KCNMA1: variants seen among roughly 807,000 people sequenced by gnomAD.
The protein encoded by KCNMA1 is Calcium-activated potassium channel subunit alpha-1.
A neutral mutation model predicts 140.0 loss-of-function variants in KCNMA1; 29 were observed. The ratio of observed to expected loss-of-function variants is 0.21; its 90% confidence interval spans 0.15 to 0.28. KCNMA1 has a LOEUF of 0.28. KCNMA1 is among the 10% of genes least tolerant of loss of function. The pLI is 1.00. For synonymous variants in KCNMA1, 612 were observed against 611.9 expected, an observed-to-expected ratio of 1.00 and a Z score of 0.00; for missense variants, 880 against 1,602.2, an observed-to-expected ratio of 0.55 and a Z score of 7.70.
chr10:77,627,293 C>A (rs2092651497), intron 1 of KCNMA1, among the ~76,000 whole-genome samples: 1 of 152,114 alleles, frequency 6.6e-6, no homozygotes, highest in Non-Finnish European at 1.5e-5. Context: ...TTGGCAGGGC[C>A]CCCAAATTAC....
At chr10:77,472,013 C>T (rs1391664975) in intron 1 of KCNMA1, among the ~76,000 whole-genome samples, 3 of 108,240 alleles carry the variant, frequency 2.8e-5, no homozygotes, top group Non-Finnish European at 5.7e-5. Flanking sequence ...CACACACATA[C>T]ACCACACACC....
chr10:77,504,239 C>T (rs2044973935), intron 1 of KCNMA1, among the ~76,000 whole-genome samples: 1 of 152,204 alleles, frequency 6.6e-6, no homozygotes, highest in Non-Finnish European at 1.5e-5. Context: ...TTTATCTCTT[C>T]TGGAAAGGGA....
intron 24 of KCNMA1, 41 bp from the exon 25 acceptor site, chr10:76,910,137 A>G: frequency 6.2e-7 from 1 of 1,610,678 alleles, no homozygotes; most frequent in Non-Finnish European, 8.5e-7. Flanking sequence ...TGAAGACCAC[A>G]CACAGGCATT....
In KCNMA1 at chr10:77,540,981, G is replaced by A. The variant is rs148934243; in HGVS notation, c.378+96284C>T. Among the ~76,000 whole-genome samples, 102 of 147,938 alleles carry A rather than the reference G, an allele frequency of 6.9e-4. 3 individuals carry two copies. The East Asian group carries it at 0.019, about 27-fold the overall frequency. ...GATCGCACCACTGCACTCCAGCTTG[G>A]GCAATAGAGCAAGACTTCCTCTCAA... is the stretch of plus-strand genomic sequence containing the variant. On this transcript the variant is annotated intron_variant, in intron 1 of 27. Transcript: ENST00000286628.
At chr10:76,877,697 A>C (rs781441573), downstream of KCNMA1, 9 of 1,538,122 alleles carry the variant, frequency 5.9e-6, no homozygotes, top group African/African-American at 1.2e-4. Flanking sequence ...CCATTTATGA[A>C]GTTTGTCAGG....
In KCNMA1 at chr10:77,587,713, T is replaced by C. The variant is rs760508688; in HGVS notation, c.378+49552A>G. On this transcript the variant is annotated intron_variant, in intron 1 of 27. Transcript: ENST00000286628. ...AGATCTGCTCCCAGTAATAATGCCC[T>C]GCTTTGCAGAGGCTGTTTTGCTTTC... is the stretch of plus-strand genomic sequence containing the variant. 7.5e-4 allele frequency: 742 copies of C among 985,442 alleles called. 5 individuals are homozygous for C. Among genetic ancestry groups the C allele is most frequent in the Admixed American group, 8.6e-4 (14 of 16,284 alleles). The allele number at this position is 985,442 out of a possible 1,614,324, so 61.0% of individuals were successfully genotyped here.
chr10:76,989,346 G>A (rs1046664677), intron 19 of KCNMA1, among the ~76,000 whole-genome samples: 2 of 152,074 alleles, frequency 1.3e-5, no homozygotes, highest in Non-Finnish European at 2.9e-5. Flanking sequence ...GATATACTAC[G>A]AGGTTTCTAC....
chr10:76,929,795 T>C (rs1202321618), intron 23 of KCNMA1, among the ~76,000 whole-genome samples: 1 of 152,118 alleles, frequency 6.6e-6, no homozygotes, highest in African/African-American at 2.4e-5. Context: ...GCAGCTAAGG[T>C]TGAAAAACAG....
intron 19 of KCNMA1, chr10:76,978,554 A>AATC (rs767282725): frequency 6.6e-6 from 1 of 152,196 alleles, no homozygotes; most frequent in Non-Finnish European, 1.5e-5. Flanking sequence ...GTGTGTCTAA[A>AATC]ATCATCATTG....
chr10:77,227,846 C>T (rs2052046715), intron 3 of KCNMA1, among the ~76,000 whole-genome samples: 1 of 152,028 alleles, frequency 6.6e-6, no homozygotes, highest in South Asian at 2.1e-4. Flanking sequence ...GTGCCTTGGT[C>T]TTCTCATCTG....
intron 14 of KCNMA1, among the ~76,000 whole-genome samples, chr10:77,052,266 G>A (rs1291377155): frequency 6.6e-6 from 1 of 152,158 alleles, no homozygotes; most frequent in East Asian, 1.9e-4. Flanking sequence ...GCCACCCATG[G>A]ACTTTCCTAA....
chr10:76,952,121 T>C, intron 21 of KCNMA1: 2 of 1,552,080 alleles, frequency 1.3e-6, no homozygotes, highest in Non-Finnish European at 1.7e-6. Context: ...GGCAAGTCAT[T>C]AAAACCCTAG....
intron 1 of KCNMA1, among the ~76,000 whole-genome samples, chr10:77,524,431 A>C (rs1339110394): frequency 6.6e-6 from 1 of 152,246 alleles, no homozygotes; most frequent in Non-Finnish European, 1.5e-5. Flanking sequence ...CAAATGCTGA[A>C]GAAGCCAAGA....
chr10:77,114,729 G>A (rs1415761772), intron 6 of KCNMA1, among the ~76,000 whole-genome samples: 1 of 152,156 alleles, frequency 6.6e-6, no homozygotes, highest in African/African-American at 2.4e-5. Flanking sequence ...CCATTCATTG[G>A]TAATTGATCC....
chr10:77,545,125 T>C (rs994140229), intron 1 of KCNMA1, among the ~76,000 whole-genome samples: 8 of 152,210 alleles, frequency 5.3e-5, no homozygotes, highest in Admixed American at 1.3e-4. Flanking sequence ...ATCATTTAAG[T>C]TCTGCTTTGA....
At chr10:77,433,245 C>T (rs186348483) in intron 1 of KCNMA1, among the ~76,000 whole-genome samples, 63 of 152,232 alleles carry the variant, frequency 4.1e-4, no homozygotes, top group African/African-American at 1.3e-3. Flanking sequence ...ATCCACCTCC[C>T]GGGTTCAAGC....
chr10:77,167,282 C>A (rs1363488676), intron 5 of KCNMA1, among the ~76,000 whole-genome samples: 2 of 152,092 alleles, frequency 1.3e-5, no homozygotes, highest in African/African-American at 4.8e-5. Flanking sequence ...CAGTTCCATC[C>A]ACGGTGCCAC....
At chr10:77,103,790 C>T (rs1308310150) in intron 9 of KCNMA1, among the ~76,000 whole-genome samples, 1 of 152,128 alleles carries the variant, frequency 6.6e-6, no homozygotes. Flanking sequence ...CATCTTTTTC[C>T]CCTCAATCCT....
At chr10:76,903,014 C>T (rs1002968545) in intron 25 of KCNMA1, 3 of 152,178 alleles carry the variant, frequency 2.0e-5, no homozygotes, top group Non-Finnish European at 2.9e-5. Context: ...GCCCGCTTGG[C>T]CTCTAAAGTT....
Sources: gnomAD v4.1 joint callset for allele counts (sites outside exome capture counted in the v4.1 genomes callset) on GRCh38, gnomAD v4.1.1 for gene constraint, MANE v1.5 for transcripts, NCBI Gene and HGNC (gene_info 2026-07-23, HGNC 2026-07-21) for gene names.